Variants in ELFN2 observed in about 807,000 individuals in gnomAD.
The protein encoded by ELFN2 is extracellular leucine rich repeat and fibronectin type III domain containing 2, also known as protein phosphatase 1 regulatory subunit 29.
ELFN2 carries 17 observed loss-of-function variants against 45.5 expected under a neutral mutation model. The ratio of observed to expected loss-of-function variants is 0.37; its 90% CI spans 0.26 to 0.56. The LOEUF is 0.56. Among genes scored for constraint, ELFN2 ranks in the 20% least tolerant of loss-of-function variants. The probability of loss-of-function intolerance (pLI) is 0.77; values close to 1 mark genes in which losing one functional copy is unlikely to be tolerated. For missense variants in ELFN2, 922 were observed against 1,183.2 expected (o/e 0.78, Z 3.24); for synonymous variants, 550 against 551.5 (o/e 1.00, Z 0.04).
intron 2 of ELFN2, among the ~76,000 whole-genome samples, chr22:37,341,445 C>T (rs953604969): frequency 6.6e-6 from 1 of 151,794 alleles, no homozygotes; most frequent in African/African-American, 2.4e-5. Flanking sequence ...CTGTGCTCAC[C>T]CGCCTGGGTC....
chr22:37,352,901 C>T (rs572007709), intron 1 of ELFN2, among the ~76,000 whole-genome samples: 3 of 150,940 alleles, frequency 2.0e-5, no homozygotes, highest in African/African-American at 7.2e-5. Flanking sequence ...GGGCACAGGT[C>T]GGGGTGGAGG....
chr22:37,370,449 C>T lies in ELFN2; in HGVS notation c.*2623G>A, dbSNP rs1169881141. 6.6e-6 allele frequency: 1 copy of T among 152,308 alleles called. No individual in the cohort carries two copies. Among genetic ancestry groups the T allele is most frequent in the African/African-American group, 2.4e-5 (1 of 41,436 alleles). The allele number at this position is 152,308 out of a possible 1,614,324, so 9.4% of individuals were successfully genotyped here. Reference sequence around the variant, plus strand: ...CACCCCAGCTGGCCAGCCAATTCACCAGGCCCGTCTGGGAGCCCTGACTTC... The same window carrying T: ...CACCCCAGCTGGCCAGCCAATTCACTAGGCCCGTCTGGGAGCCCTGACTTC... On this transcript the variant is annotated 3_prime_UTR_variant, in exon 3 of 3. Transcript: ENST00000402918.
intron 1 of ELFN2, among the ~76,000 whole-genome samples, chr22:37,360,019 G>A (rs761757710): frequency 7.2e-5 from 11 of 152,218 alleles, no homozygotes; most frequent in Non-Finnish European, 1.3e-4. Context: ...ATGGAAAGGG[G>A]CAGTAACTTC....
chr22:37,388,723 A>G (rs1488708899), intron 2 of ELFN2, among the ~76,000 whole-genome samples: 1 of 152,104 alleles, frequency 6.6e-6, no homozygotes, highest in African/African-American at 2.4e-5. Flanking sequence ...CTTGAGTTTG[A>G]CCTTGGACTA....
In ELFN2 at chr22:37,374,008, G is replaced by A. The variant is rs146010699; in HGVS notation, c.1527C>T (p.Ala509=). ...KGNYIEVRTG[A]GGDGLARPED... is the part of the protein sequence containing the mutation. ...CGGGCCGAGCCAGACCGTCCCCGCCGGCGCCTGTGCGCACCTCGATATAGT... is the reference window on the plus strand; with the variant it reads ...CGGGCCGAGCCAGACCGTCCCCGCCAGCGCCTGTGCGCACCTCGATATAGT... Residue 509 remains alanine (A), a synonymous_variant, in exon 3 of 3, where the codon GCC becomes GCT. Coordinates refer to ENST00000402918, the MANE Select transcript of ELFN2 (RefSeq NM_052906.5). 5,346 of 1,613,090 alleles carry A rather than the reference G, an allele frequency of 3.3e-3. 12 individuals are homozygous for A. The highest frequency in any genetic ancestry group is 3.9e-3 in the Non-Finnish European group (4,641 of 1,179,992).
intron 2 of ELFN2, among the ~76,000 whole-genome samples, chr22:37,412,448 C>G (rs1932672035): frequency 6.6e-6 from 1 of 150,960 alleles, no homozygotes; most frequent in Non-Finnish European, 1.5e-5. Context: ...GGTCCCAGGA[C>G]TCCCTCCTCC....
intron 1 of ELFN2, among the ~76,000 whole-genome samples, chr22:37,355,816 G>A (rs560709911): frequency 1.3e-5 from 2 of 152,296 alleles, no homozygotes; most frequent in South Asian, 4.1e-4. Flanking sequence ...CATATCCACA[G>A]CCATGAAACC....
At chr22:37,364,888 G>C (rs1235847263), downstream of ELFN2, among the ~76,000 whole-genome samples, 1 of 152,226 alleles carries the variant, frequency 6.6e-6, no homozygotes, top group Non-Finnish European at 1.5e-5. Context: ...ACTGGATGCT[G>C]ACCTGAGTGC....
intron 2 of ELFN2, among the ~76,000 whole-genome samples, chr22:37,416,377 G>A (rs953741060): frequency 3.0e-4 from 46 of 152,132 alleles, no homozygotes; most frequent in African/African-American, 1.1e-3. Context: ...GTCACTTCCC[G>A]TCTGATTCCT....
At chr22:37,376,810 AC>A (rs1256352625) in intron 2 of ELFN2, among the ~76,000 whole-genome samples, 1 of 152,148 alleles carries the variant, frequency 6.6e-6, no homozygotes, top group African/African-American at 2.4e-5. Flanking sequence ...TCCCTGGAGC[AC>A]CTTGATCCTT....
intron 2 of ELFN2, among the ~76,000 whole-genome samples, chr22:37,400,963 G>C (rs971792447): frequency 7.2e-5 from 11 of 152,274 alleles, no homozygotes; most frequent in African/African-American, 1.4e-4. Context: ...CGATTCTCAA[G>C]TCCTGGCTCT....
At chr22:37,358,493 GT>G (rs1369712186) in intron 1 of ELFN2, among the ~76,000 whole-genome samples, 1 of 152,202 alleles carries the variant, frequency 6.6e-6, no homozygotes, top group African/African-American at 2.4e-5. Context: ...GGGCCCTAGT[GT>G]TTCCTAAACT....
chr22:37,394,428 T>A (rs1186517971), intron 2 of ELFN2, among the ~76,000 whole-genome samples: 1 of 152,160 alleles, frequency 6.6e-6, no homozygotes, highest in Non-Finnish European at 1.5e-5. Context: ...GACGTCCTCC[T>A]GAAGGTCAAG....
chr22:37,391,075 G>C (rs1239002660), intron 2 of ELFN2, among the ~76,000 whole-genome samples: 1 of 152,216 alleles, frequency 6.6e-6, no homozygotes, highest in Non-Finnish European at 1.5e-5. Flanking sequence ...GCCATGCTGT[G>C]AGCACGGCCT....
chr22:37,398,498 GC>G (rs900410608), intron 2 of ELFN2, among the ~76,000 whole-genome samples: 17 of 144,278 alleles, frequency 1.2e-4, no homozygotes, highest in Non-Finnish European at 2.3e-4. Context: ...CCCCAGTAAA[GC>G]CCCCCAGCAC....
chr22:37,353,789 A>C (rs1930880920), intron 1 of ELFN2: 1 of 151,098 alleles, frequency 6.6e-6, no homozygotes, highest in Non-Finnish European at 1.5e-5. Flanking sequence ...GCAGCAGCCC[A>C]GGCGGAACTT....
In ELFN2 at chr22:37,419,342, C is replaced by T. The variant is rs891316269; in HGVS notation, c.-613-1423G>A. Among the ~76,000 whole-genome samples the T allele has an allele frequency of 1.1e-4, 17 of 152,198 alleles. 1 individual carries two copies. Among genetic ancestry groups the T allele is most frequent in the African/African-American group, 3.9e-4 (16 of 41,522 alleles). ...GGCACACACTATACCCTAACACACA[C>T]ACACACACATAGACCTGTCCTCCCA... On this transcript the variant is annotated intron_variant, in intron 1 of 2. Coordinates refer to ENST00000402918, the MANE Select transcript of ELFN2 (RefSeq NM_052906.5).
intron 2 of ELFN2, among the ~76,000 whole-genome samples, chr22:37,415,522 C>T (rs554626961): frequency 1.2e-4 from 18 of 152,364 alleles, no homozygotes; most frequent in African/African-American, 4.3e-4. Context: ...AGGCTCTCTG[C>T]CTCTCCGGCC....
rs957827361 is a variant in ELFN2, at chr22:37,375,090, C to T, written c.445G>A (p.Glu149Lys). 6.2e-6 allele frequency: 10 copies of T among 1,613,480 alleles called. No homozygotes were observed. Among genetic ancestry groups the T allele is most frequent in the Admixed American group, 3.3e-5 (2 of 59,996 alleles). Reference sequence around the variant, plus strand: ...TCGATGCTGATGAGGCTCGGGCACTCGGAGAAGGCGGTGGGCGTCACCACC... The same window carrying T: ...TCGATGCTGATGAGGCTCGGGCACTTGGAGAAGGCGGTGGGCGTCACCACC... ...IEVVTPTAFS[E>K]CPSLISIDLS... is the part of the protein sequence containing the mutation. Residue 149 changes from glutamate (E) to lysine (K), a missense_variant, in exon 3 of 3, where the codon GAG becomes AAG. Physicochemically the swap from Glu to Lys is moderately conservative, Grantham distance 56. Transcript: ENST00000402918.
Sources: gnomAD v4.1 joint callset for allele counts (sites outside exome capture counted in the v4.1 genomes callset) on GRCh38, gnomAD v4.1.1 for gene constraint, MANE v1.5 for transcripts, NCBI Gene and HGNC (gene_info 2026-07-23, HGNC 2026-07-21) for gene names.